The following SMARCA5 variants were observed in gnomAD, a reference collection of about 807,000 sequenced individuals.
SMARCA5 encodes the protein SNF2 related chromatin remodeling ATPase 5, also known as SWI/SNF-related matrix-associated actin-dependent regulator of chromatin subfamily A member 5.
SMARCA5 carries 18 observed loss-of-function variants against 140.4 expected under a neutral mutation model. That is an observed-to-expected ratio of 0.13 (90% CI 0.09 to 0.19). SMARCA5 has a LOEUF of 0.19. Among genes scored for constraint, SMARCA5 ranks in the 10% least tolerant of loss-of-function variants. The pLI is 1.00. For synonymous variants in SMARCA5, 449 were observed against 419.6 expected (o/e 1.07, Z -0.86); for missense variants, 606 against 1,276.8 (o/e 0.47, Z 8.01).
At chr4:143,519,027 G>T (rs954453380) in intron 2 of SMARCA5, among the ~76,000 whole-genome samples, 3 of 151,596 alleles carry the variant, frequency 2.0e-5, no homozygotes, top group African/African-American at 7.3e-5. Flanking sequence ...TTATTCCTTT[G>T]TCCTTCCTTA....
intron 2 of SMARCA5, among the ~76,000 whole-genome samples, chr4:143,519,922 C>G (rs542849732): frequency 6.6e-6 from 1 of 152,084 alleles, no homozygotes; most frequent in African/African-American, 2.4e-5. Context: ...GCAGGCCTGT[C>G]TTTATTTTCT....
chr4:143,530,400 A>G lies in SMARCA5; in HGVS notation c.1090-58A>G, dbSNP rs1037233290. 7 of 1,082,264 alleles carry G rather than the reference A, an allele frequency of 6.5e-6. No individual in the cohort carries two copies. In the African/African-American group the frequency reaches 9.5e-5, roughly 15 times the overall value. The allele number at this position is 1,082,264 out of a possible 1,614,324, so 67.0% of individuals were successfully genotyped here. A position where few individuals can be genotyped will look rare whatever the true frequency, so the allele number is the denominator to read the frequency against. On this transcript the variant is annotated intron_variant, in intron 8 of 23. Transcript: ENST00000283131. ...AGAAATCATTTCTATATCTGGTATT[A>G]TAGGGTATTTGTTAATATTATCTCT...
rs1190552695 is a variant in SMARCA5, at chr4:143,513,905, G to T, written c.-20G>T. On this transcript the variant is annotated 5_prime_UTR_variant, in exon 1 of 24. Transcript: ENST00000283131. ...CGGACTCGGGCCTCTGGCAGCAGCG[G>T]GTGACGCAGACGGAACATCATGTCG... is the stretch of plus-strand genomic sequence containing the variant. 1.3e-6 allele frequency: 2 copies of T among 1,536,684 alleles called. No individual in the cohort carries two copies. The highest frequency in any genetic ancestry group is 2.4e-5 in the South Asian group (2 of 84,356).
chr4:143,553,030 T>A, intron 23 of SMARCA5, 89 bp from the exon 24 acceptor site: 1 of 954,414 alleles, frequency 1.0e-6, no homozygotes, highest in Non-Finnish European at 1.7e-6. Context: ...TTGTAGTAGT[T>A]GTTATTACTA....
intron 1 of SMARCA5, among the ~76,000 whole-genome samples, chr4:143,515,137 C>T (rs947616389): frequency 1.3e-5 from 2 of 152,182 alleles, no homozygotes; most frequent in Non-Finnish European, 1.5e-5. Flanking sequence ...GAAAGTAATA[C>T]TGCTCCGAAG....
intron 16 of SMARCA5, chr4:143,544,506 T>C (rs1202380199): frequency 3.0e-6 from 1 of 330,812 alleles, no homozygotes; most frequent in African/African-American, 2.1e-5. Context: ...CTCCCTCATT[T>C]AACAGTTGTT....
intron 11 of SMARCA5, among the ~76,000 whole-genome samples, chr4:143,537,613 A>G (rs1316383378): frequency 6.6e-6 from 1 of 152,104 alleles, no homozygotes. Flanking sequence ...AATGAAAGGT[A>G]TATTAAACTC....
Position 143,538,633 on chromosome 4 carries a change from C to T in SMARCA5, c.1539C>T (p.Asp513=), listed in dbSNP as rs1560819011. Residue 513 remains aspartate (D), a synonymous_variant, in exon 12 of 24, where the codon GAC becomes GAT. Transcript: ENST00000283131. ...LIFSQMTRVL[D]ILEDYCMWRN... ...TCAGTCAAATGACAAGGGTATTGGA[C>T]ATTTTGGAAGATTATTGCATGTGGA... is the stretch of plus-strand genomic sequence containing the variant. The T allele has an allele frequency of 3.7e-6, 6 of 1,612,086 alleles. No homozygotes were observed. The highest frequency in any genetic ancestry group is 1.3e-5 in the African/African-American group (1 of 74,962).
chr4:143,540,666 A>G (rs1737409763), intron 14 of SMARCA5, among the ~76,000 whole-genome samples, 171 bp downstream of exon 14: 1 of 152,214 alleles, frequency 6.6e-6, no homozygotes, highest in South Asian at 2.1e-4. Context: ...CATTAAAAAG[A>G]TGGATTTGGG....
chr4:143,537,917 C>CAAAAA (rs34592654), intron 11 of SMARCA5, among the ~76,000 whole-genome samples: 1 of 101,462 alleles, frequency 9.9e-6, no homozygotes. Context: ...GACTCCATCT[C>CAAAAA]AAAAAAAAAA....
intron 23 of SMARCA5, among the ~76,000 whole-genome samples, chr4:143,552,675 A>G (rs2149826263): frequency 6.6e-6 from 1 of 152,174 alleles, no homozygotes; most frequent in Non-Finnish European, 1.5e-5. Context: ...TGTTTTAGCA[A>G]TGTGAAGGCA....
At chr4:143,525,938 A>G (rs1351460539) in intron 5 of SMARCA5, among the ~76,000 whole-genome samples, 1 of 152,198 alleles carries the variant, frequency 6.6e-6, no homozygotes, top group Admixed American at 6.5e-5. Context: ...TATGTAATGA[A>G]TGTTTAAAAA....
rs60061501 is a variant in SMARCA5, at chr4:143,516,205, A to ATT, written c.178-1130_178-1129dup. Among the ~76,000 whole-genome samples, 636 of 124,390 alleles carry ATT rather than the reference A, an allele frequency of 5.1e-3. 6 individuals carry two copies. Among genetic ancestry groups the ATT allele is most frequent in the African/African-American group, 0.018 (606 of 33,100 alleles). The allele number at this position is 124,390 out of a possible 152,430, so 81.6% of individuals were successfully genotyped here. ...AACAGAGTAAACCCAGCATTCATGA[A>ATT]TTTTTTTTTTTTTTTTTTTTTGGTG... On this transcript the variant is annotated intron_variant, in intron 1 of 23. Coordinates refer to ENST00000283131, the MANE Select transcript of SMARCA5 (RefSeq NM_003601.4).
intron 1 of SMARCA5, among the ~76,000 whole-genome samples, chr4:143,515,727 A>T (rs1736814714): frequency 1.3e-5 from 2 of 152,134 alleles, no homozygotes; most frequent in African/African-American, 4.8e-5. Flanking sequence ...TAAATTAGTG[A>T]TATTTTCATT....
At chr4:143,550,648 G>A (rs1318744880) in intron 23 of SMARCA5, among the ~76,000 whole-genome samples, 3 of 151,480 alleles carry the variant, frequency 2.0e-5, no homozygotes, top group Non-Finnish European at 4.4e-5. Flanking sequence ...GAGTTTAATT[G>A]TAGTTTTTAG....
intron 20 of SMARCA5, 75 bp downstream of exon 20, chr4:143,546,983 G>A: frequency 1.4e-6 from 2 of 1,395,164 alleles, no homozygotes; most frequent in East Asian, 4.6e-5. Context: ...TCTGAATTAT[G>A]TTGTGATTAG....
chr4:143,548,018 C>T lies in SMARCA5; in HGVS notation c.2863C>T (p.Leu955=), dbSNP rs1578805687. 1 of 1,610,966 alleles carries T rather than the reference C, an allele frequency of 6.2e-7. No individual in the cohort carries two copies. Among genetic ancestry groups the T allele is most frequent in the Non-Finnish European group, 8.5e-7 (1 of 1,177,460 alleles). ...KNYTEEEDRF[L]ICMLHKLGFD... is the part of the protein sequence containing the mutation. ...CTATACTGAAGAAGAAGATCGTTTT[C>T]TGATTTGTATGCTTCACAAACTTGG... is the stretch of plus-strand genomic sequence containing the variant. Residue 955 remains leucine (L), a synonymous_variant, in exon 22 of 24, where the codon CTG becomes TTG. Transcript: ENST00000283131.
chr4:143,522,485 A>T (rs1382127207), intron 3 of SMARCA5, among the ~76,000 whole-genome samples: 1 of 152,244 alleles, frequency 6.6e-6, no homozygotes, highest in East Asian at 1.9e-4. Context: ...GGTTAAATTC[A>T]CTACACAGTT....
intron 2 of SMARCA5, among the ~76,000 whole-genome samples, chr4:143,518,218 CT>C (rs1446395024): frequency 2.6e-5 from 4 of 152,138 alleles, no homozygotes; most frequent in African/African-American, 9.7e-5. Context: ...CGTTCCGTAT[CT>C]TCTAAGAAAC....
Sources: gnomAD v4.1 joint callset for allele counts (sites outside exome capture counted in the v4.1 genomes callset) on GRCh38, gnomAD v4.1.1 for gene constraint, MANE v1.5 for transcripts, NCBI Gene and HGNC (gene_info 2026-07-23, HGNC 2026-07-21) for gene names.